The following LYAR variants were observed in gnomAD, a reference collection of about 807,000 sequenced individuals.
LYAR encodes the protein Ly1 antibody reactive, also known as cell growth-regulating nucleolar protein.
A neutral mutation model predicts 45.2 loss-of-function variants in LYAR; 37 were observed. The ratio of observed to expected loss-of-function variants is 0.82; its 90% confidence interval spans 0.63 to 1.08. LYAR has a LOEUF of 1.08. Ranked by LOEUF, LYAR falls within the 50% of genes least tolerant of loss-of-function variation. The pLI is 0.00. For missense variants in LYAR, 493 were observed against 451.0 expected (o/e 1.09, Z -0.84); for synonymous variants, 176 against 155.1 (o/e 1.14, Z -1.00).
intron 1 of LYAR, among the ~76,000 whole-genome samples, chr4:4,287,711 C>A (rs898983830): frequency 6.6e-6 from 1 of 152,202 alleles, no homozygotes; most frequent in African/African-American, 2.4e-5. Context: ...CTGCCTCCAT[C>A]TTGACCTGCC....
At chr4:4,288,636 C>G (rs1309197629) in intron 1 of LYAR, among the ~76,000 whole-genome samples, 1 of 152,094 alleles carries the variant, frequency 6.6e-6, no homozygotes, top group African/African-American at 2.4e-5. Context: ...CAGGCACATG[C>G]CACCATGCCC....
chr4:4,277,962 G>A (rs778706960), intron 6 of LYAR, among the ~76,000 whole-genome samples: 10 of 152,204 alleles, frequency 6.6e-5, no homozygotes, highest in African/African-American at 1.2e-4. Flanking sequence ...GCTGCGTTTC[G>A]CAGAGCTCAG....
rs1219430942 is a variant in LYAR, at chr4:4,279,490, A to T, written c.386T>A (p.Ile129Asn). 1.9e-6 allele frequency: 3 copies of T among 1,613,312 alleles called. No homozygotes were observed. In the Admixed American group the frequency reaches 5.0e-5, roughly 27 times the overall value. ...AAAGATATTCCACACCTGGTCCAGA[A>T]TGGATTCATTATGAACTTTTAAACT... ...KNSLKVHNES[I>N]LDQVWNIFSE... Residue 129 changes from isoleucine to asparagine, a missense_variant, in exon 6 of 10, where the codon ATT becomes AAT. Ile to Asn is a moderately radical substitution (Grantham distance 149). Transcript: ENST00000343470.
intron 6 of LYAR, among the ~76,000 whole-genome samples, chr4:4,277,108 A>G (rs192618898): frequency 2.2e-4 from 34 of 152,206 alleles, no homozygotes; most frequent in Non-Finnish European, 1.6e-4. Flanking sequence ...GTGCAGTGGC[A>G]CAATATCAGC....
intron 8 of LYAR, among the ~76,000 whole-genome samples, chr4:4,270,769 T>G (rs1006111045): frequency 6.6e-6 from 1 of 152,158 alleles, no homozygotes; most frequent in Non-Finnish European, 1.5e-5. Flanking sequence ...TACAACACAG[T>G]GGCAACGCCT....
At chr4:4,270,240 C>T (rs965712591) in intron 8 of LYAR, among the ~76,000 whole-genome samples, 14 of 133,842 alleles carry the variant, frequency 1.0e-4, no homozygotes, top group African/African-American at 2.3e-4. Context: ...TTAAATTGTA[C>T]ACCTGAACTA....
chr4:4,286,772 G>C (rs971564931), intron 1 of LYAR, among the ~76,000 whole-genome samples, 200 bp from the exon 2 acceptor site: 4 of 151,024 alleles, frequency 2.6e-5, no homozygotes, highest in East Asian at 2.0e-4. Context: ...TCAGCCTCCC[G>C]AGTAGCTGGG....
intron 6 of LYAR, among the ~76,000 whole-genome samples, chr4:4,278,231 C>T (rs1719266020): frequency 6.6e-6 from 1 of 152,178 alleles, no homozygotes; most frequent in African/African-American, 2.4e-5. Flanking sequence ...GATAAATTTT[C>T]ATCTTGATGC....
chr4:4,272,554 T>C (rs1718977991), intron 8 of LYAR, among the ~76,000 whole-genome samples: 1 of 152,130 alleles, frequency 6.6e-6, no homozygotes, highest in Non-Finnish European at 1.5e-5. Flanking sequence ...ATAATAAAAG[T>C]TATGTGAATG....
chr4:4,271,973 G>C (rs922068780), intron 8 of LYAR, among the ~76,000 whole-genome samples: 1 of 152,134 alleles, frequency 6.6e-6, no homozygotes, highest in Non-Finnish European at 1.5e-5. Context: ...TGAGCGAAGA[G>C]TCAGTCTCAA....
Position 4,274,542 on chromosome 4 carries a change from C to T in LYAR, c.657G>A (p.Lys219=). 1.2e-6 allele frequency: 2 copies of T among 1,614,142 alleles called. No homozygotes were observed. The highest frequency in any genetic ancestry group is 8.5e-7 in the Non-Finnish European group (1 of 1,180,032). ...CCTGTCCCTTTTTGCGCTTCTTAGG[C>T]TTCTGATTCCTTGAGTTTTCCTGGT... ...ENHQENSRNQ[K]PKKRKKGQEA... is the part of the protein sequence containing the mutation. Residue 219 remains lysine, a synonymous_variant, in exon 7 of 10, where the codon AAG becomes AAA. Transcript: ENST00000343470.
chr4:4,287,962 T>G lies in LYAR; in HGVS notation c.-107-1390A>C, dbSNP rs564035242. ...CAGCAGCCAGTGGTCACTAAGGGGC[T>G]GGGAACTTGTTAGTCTTCTCTTAAC... On this transcript the variant is annotated intron_variant, in intron 1 of 9. Transcript: ENST00000343470. 5.8e-3 allele frequency among the ~76,000 whole-genome samples: 890 copies of G among 152,326 alleles called. 3 individuals are homozygous for G. The highest frequency in any genetic ancestry group is 8.0e-3 in the Non-Finnish European group (546 of 68,036).
chr4:4,278,286 C>A (rs1719268837), intron 6 of LYAR, among the ~76,000 whole-genome samples: 1 of 152,116 alleles, frequency 6.6e-6, no homozygotes, highest in African/African-American at 2.4e-5. Context: ...TGAATCAACT[C>A]CCGATAATTT....
At chr4:4,287,596 T>G (rs1719665198) in intron 1 of LYAR, among the ~76,000 whole-genome samples, 1 of 152,124 alleles carries the variant, frequency 6.6e-6, no homozygotes, top group Non-Finnish European at 1.5e-5. Flanking sequence ...ACTACCTCCA[T>G]CTGGAGAGAA....
At chr4:4,271,330 C>G (rs546196097) in intron 8 of LYAR, among the ~76,000 whole-genome samples, 1 of 152,334 alleles carries the variant, frequency 6.6e-6, no homozygotes, top group South Asian at 2.1e-4. Flanking sequence ...ATCCACGTTG[C>G]TGCAAACGAC....
rs750472933 is a variant in LYAR, at chr4:4,267,858, G to C, written c.*31C>G. On this transcript the variant is annotated 3_prime_UTR_variant, in exon 10 of 10. Transcript: ENST00000343470. The stretch of plus-strand genomic sequence containing the variant: ...CAGCAGTGAAAGGAAGAAGTCAGCA[G>C]AATGGATTCAATTTTTAAATACACA... 4 of 1,560,250 alleles carry C rather than the reference G, an allele frequency of 2.6e-6. No homozygotes were observed. The highest frequency in any genetic ancestry group is 2.6e-6 in the Non-Finnish European group (3 of 1,152,534).
chr4:4,280,497 C>A, intron 4 of LYAR, among the ~76,000 whole-genome samples: 1 of 152,260 alleles, frequency 6.6e-6, no homozygotes, highest in East Asian at 1.9e-4. Flanking sequence ...AACAAAAATG[C>A]AGATCTCATA....
chr4:4,279,651 T>C lies in LYAR; in HGVS notation c.336A>G (p.Ala112=), dbSNP rs1719319209. 4 of 1,613,716 alleles carry C rather than the reference T, an allele frequency of 2.5e-6. No individual in the cohort carries two copies. Among genetic ancestry groups the C allele is most frequent in the Non-Finnish European group, 3.4e-6 (4 of 1,179,668 alleles). The change falls in exon 5 of 10, where the codon GCA becomes GCG. Residue 112 remains alanine (A), a synonymous_variant. Coordinates refer to ENST00000343470, the MANE Select transcript of LYAR (RefSeq NM_017816.3). ...GAAAGTCAATTCATACCTGAAATTT[T>C]GCCTTTTTCCTGGGAACGTTGTCAA... is the stretch of plus-strand genomic sequence containing the variant. The part of the protein sequence containing the change: ...SAFDNVPRKK[A]KFQNWMKNSL...
At chr4:4,275,650 C>T (rs1400255758) in intron 6 of LYAR, among the ~76,000 whole-genome samples, 4 of 151,922 alleles carry the variant, frequency 2.6e-5, no homozygotes, top group Non-Finnish European at 5.9e-5. Flanking sequence ...CCATTCTTTA[C>T]GTATGGAGGT....
Sources: allele counts gnomAD v4.1 joint callset (sites outside exome capture counted in the v4.1 genomes callset), GRCh38; gene constraint gnomAD v4.1.1; transcripts MANE v1.5; gene names NCBI Gene and HGNC (gene_info 2026-07-23, HGNC 2026-07-21).